Variants in LAMP5 observed in about 807,000 individuals in gnomAD.
LAMP5 encodes the protein lysosome associated membrane protein 5.
LAMP5 carries 36 observed loss-of-function variants against 30.2 expected under a neutral mutation model. The ratio of observed to expected loss-of-function variants is 1.19; its 90% CI spans 0.91 to 1.57. The LOEUF (loss-of-function observed/expected upper bound fraction) is 1.57. Ranked by LOEUF, LAMP5 falls within the 40% of genes most tolerant of loss-of-function variation. LAMP5 has a pLI of 0.00. For missense variants in LAMP5, 377 were observed against 354.9 expected, an observed-to-expected ratio of 1.06 and a Z score of -0.50; for synonymous variants, 149 against 134.6, an observed-to-expected ratio of 1.11 and a Z score of -0.74.
At chr20:9,528,321 T>TGTGTGTGTGC (rs1555892014) in intron 5 of LAMP5, among the ~76,000 whole-genome samples, 29 of 151,140 alleles carry the variant, frequency 1.9e-4, no homozygotes, top group Admixed American at 1.6e-3. Context: ...TGTGTGTGTG[T>TGTGTGTGTGC]GCGTGTGTGT....
intron 5 of LAMP5, among the ~76,000 whole-genome samples, chr20:9,524,493 G>A (rs1603173194): frequency 1.4e-5 from 2 of 144,312 alleles, no homozygotes; most frequent in East Asian, 2.0e-4. Flanking sequence ...TTTTTCCCGT[G>A]GGTCATAGGC....
chr20:9,517,621 A>ATGTGTGTGTGTGTGTGTG (rs3037127), intron 4 of LAMP5, among the ~76,000 whole-genome samples: 1,936 of 149,190 alleles, frequency 0.013, 40 homozygotes, highest in African/African-American at 0.044. Flanking sequence ...TTGTAAATGT[A>ATGTGTGTGTGTGTGTGTG]TGTGTGTGTG....
chr20:9,525,655 A>G (rs1300490578), intron 5 of LAMP5, among the ~76,000 whole-genome samples: 1 of 152,214 alleles, frequency 6.6e-6, no homozygotes, highest in Non-Finnish European at 1.5e-5. Context: ...GCTATGGTAT[A>G]AAACAAGAGA....
At position 9,514,768 on chromosome 20, in the gene LAMP5, G is replaced by A. The variant is rs1366661741; in HGVS notation, c.-85G>A. 4.7e-6 allele frequency: 6 copies of A among 1,268,152 alleles called. No individual in the cohort carries two copies. The highest frequency in any genetic ancestry group is 1.8e-5 in the Admixed American group (1 of 55,542). The allele number at this position is 1,268,152 out of a possible 1,614,324, so 78.6% of individuals were successfully genotyped here. A position where few individuals can be genotyped will look rare whatever the true frequency, so the allele number is the denominator to read the frequency against. On this transcript the variant is annotated 5_prime_UTR_variant, in exon 1 of 6. Transcript: ENST00000246070. Reference sequence around the variant, plus strand: ...TGTCCCCCGCCTCTCGCTCACCCCGGCCCACTCCAGCGGCGACTTTGAGGG... The same window carrying A: ...TGTCCCCCGCCTCTCGCTCACCCCGACCCACTCCAGCGGCGACTTTGAGGG...
intron 5 of LAMP5, among the ~76,000 whole-genome samples, chr20:9,521,151 C>A (rs2045077341): frequency 6.6e-6 from 1 of 152,112 alleles, no homozygotes; most frequent in South Asian, 2.1e-4. Context: ...CAGAGGGAAG[C>A]TTATGGGACC....
chr20:9,515,223 TACAA>T (rs929860381), intron 1 of LAMP5, among the ~76,000 whole-genome samples: 3 of 150,622 alleles, frequency 2.0e-5, no homozygotes, highest in Admixed American at 1.3e-4. Context: ...CCAGCTATAT[TACAA>T]ACAAAGTCAG....
chr20:9,516,071 G>T lies in LAMP5; in HGVS notation c.309G>T (p.Gln103His). ...AEVKGRCGHS[Q>H]SELQVFWVDR... ...TGAAGGGCCGCTGTGGCCACAGCCAGTCGGAGCTGCAAGTGTTCTGGGTGG... is the reference window on the plus strand; with the variant it reads ...TGAAGGGCCGCTGTGGCCACAGCCATTCGGAGCTGCAAGTGTTCTGGGTGG... The change falls in exon 3 of 6, where the codon CAG becomes CAT. Residue 103 changes from glutamine (Q) to histidine (H), a missense_variant. Coordinates refer to ENST00000246070, the MANE Select transcript of LAMP5 (RefSeq NM_012261.4). 1 of 1,547,732 alleles carries T rather than the reference G, an allele frequency of 6.5e-7. No homozygotes were observed. The highest frequency in any genetic ancestry group is 8.7e-7 in the Non-Finnish European group (1 of 1,153,530).
intron 5 of LAMP5, among the ~76,000 whole-genome samples, chr20:9,527,563 G>T (rs1485272566): frequency 6.6e-6 from 1 of 152,172 alleles, no homozygotes; most frequent in African/African-American, 2.4e-5. Flanking sequence ...GAATACAGTA[G>T]GTACTTAATA....
intron 4 of LAMP5, among the ~76,000 whole-genome samples, chr20:9,517,192 A>C (rs960101426): frequency 6.6e-6 from 1 of 152,114 alleles, no homozygotes; most frequent in Non-Finnish European, 1.5e-5. Flanking sequence ...CAAAGTTTAG[A>C]TGCAAGATGT....
At chr20:9,528,500 CA>C (rs2045129150) in intron 5 of LAMP5, among the ~76,000 whole-genome samples, 1 of 152,214 alleles carries the variant, frequency 6.6e-6, no homozygotes, top group Middle Eastern at 3.4e-3. Flanking sequence ...ACATTGTTTA[CA>C]CATAGAAATG....
intron 1 of LAMP5, 126 bp from the exon 2 acceptor site, chr20:9,515,327 G>A: frequency 1.3e-6 from 1 of 782,940 alleles, no homozygotes; most frequent in East Asian, 2.7e-5. Context: ...ACGGCTCGTA[G>A]AGCGCACAGC....
Position 9,515,984 on chromosome 20 carries a change from G to C in LAMP5, c.238-16G>C, listed in dbSNP as rs778119442. The stretch of plus-strand genomic sequence containing the variant: ...GCCGGGCGAGCTGAGGGGGCGCGGG[G>C]CGTCTGTGTTCCCAGCTGATCACAG... On this transcript the variant is annotated splice_polypyrimidine_tract_variant and intron_variant, in intron 2 of 5. Transcript: ENST00000246070. The C allele has an allele frequency of 4.7e-6, 7 of 1,490,104 alleles. No individual in the cohort carries two copies. Among genetic ancestry groups the C allele is most frequent in the Non-Finnish European group, 6.2e-6 (7 of 1,121,500 alleles). The allele number at this position is 1,490,104 out of a possible 1,614,324, so 92.3% of individuals were successfully genotyped here.
chr20:9,529,591 A>G, intron 5 of LAMP5, 51 bp from the exon 6 acceptor site: 2 of 1,550,050 alleles, frequency 1.3e-6, no homozygotes, highest in Non-Finnish European at 1.8e-6. Context: ...AGAACTTATG[A>G]TTCAGGATGT....
At chr20:9,529,462 G>A (rs181187791) in intron 5 of LAMP5, among the ~76,000 whole-genome samples, 180 bp from the exon 6 acceptor site, 3 of 152,124 alleles carry the variant, frequency 2.0e-5, no homozygotes, top group Non-Finnish European at 4.4e-5. Context: ...TTTTTATTAC[G>A]CATTATGTAG....
chr20:9,517,556 C>A (rs753657236), intron 4 of LAMP5, among the ~76,000 whole-genome samples: 1 of 151,354 alleles, frequency 6.6e-6, no homozygotes. Context: ...ATTCTCCCAC[C>A]CCAGTTTCCC....
chr20:9,528,441 A>C (rs2045128784), intron 5 of LAMP5, among the ~76,000 whole-genome samples: 1 of 152,178 alleles, frequency 6.6e-6, no homozygotes, highest in African/African-American at 2.4e-5. Flanking sequence ...GACTATAGTT[A>C]ACAACCATGT....
rs202101525 is a variant in LAMP5, at chr20:9,518,157, C to T, written c.593C>T (p.Thr198Met). ...ISLASSDPQK[T>M]VTMILSAVHI... ...CTGGCCTCTAGTGATCCGCAGAAGA[C>T]GGTCACCATGATCCTGTCTGCGGTC... The change falls in exon 5 of 6, where the codon ACG (threonine) becomes ATG (methionine). Residue 198 changes from threonine (T) to methionine (M), a missense_variant. Transcript: ENST00000246070. 1.1e-4 allele frequency: 178 copies of T among 1,614,100 alleles called. 1 individual carries two copies. The highest frequency in any genetic ancestry group is 3.5e-4 in the South Asian group (32 of 91,086).
intron 5 of LAMP5, among the ~76,000 whole-genome samples, chr20:9,520,768 T>C (rs1479071287): frequency 6.6e-6 from 1 of 152,160 alleles, no homozygotes; most frequent in Non-Finnish European, 1.5e-5. Flanking sequence ...ACGAAGTCGG[T>C]AAGTGGACAC....
chr20:9,527,755 G>C (rs908337017), intron 5 of LAMP5, among the ~76,000 whole-genome samples: 1 of 152,168 alleles, frequency 6.6e-6, no homozygotes, highest in Admixed American at 6.5e-5. Context: ...CAAACTGTTT[G>C]ACCACTAGAA....
Sources: allele counts gnomAD v4.1 joint callset (sites outside exome capture counted in the v4.1 genomes callset), GRCh38; gene constraint gnomAD v4.1.1; transcripts MANE v1.5; gene names NCBI Gene and HGNC (gene_info 2026-07-23, HGNC 2026-07-21).